The following IRS1 variants were observed in gnomAD, a reference collection of about 807,000 sequenced individuals.
IRS1 encodes the protein insulin receptor substrate 1.
In IRS1, 34 loss-of-function variants were observed where a neutral mutation model predicts 65.6. The ratio of observed to expected loss-of-function variants is 0.52; its 90% CI spans 0.39 to 0.69. The LOEUF is 0.69. IRS1 is among the 30% of genes least tolerant of loss of function. The pLI, the probability that IRS1 is intolerant of heterozygous loss-of-function variation, is 0.00. For missense variants in IRS1, 1,641 were observed against 1,720.2 expected (o/e 0.95, Z 0.81); for synonymous variants, 699 against 683.5 (o/e 1.02, Z -0.35).
Position 226,796,470 on chromosome 2 carries a change from G to A in IRS1, c.2269C>T (p.Gln757Ter), listed in dbSNP as rs765351999. The A allele has an allele frequency of 6.2e-7, 1 of 1,613,804 alleles. No homozygotes were observed. Among genetic ancestry groups the A allele is most frequent in the Non-Finnish European group, 8.5e-7 (1 of 1,180,020 alleles). Residue 757 changes from glutamine (Q) to a stop codon, truncating the protein, a stop_gained, in exon 1 of 2, where the codon CAG becomes TAG. Transcript: ENST00000305123. LOFTEE classifies it high-confidence loss of function. ...TAGTAGGAGAGGACTGGCTTGTGCT[G>A]GGGGTCCTCAGGGCCGTAGTAGCAG... ...SDCYYGPEDP[Q>*]HKPVLSYYSL...
At chr2:226,785,597 C>T (rs1284594729) in intron 1 of IRS1, among the ~76,000 whole-genome samples, 5 of 152,052 alleles carry the variant, frequency 3.3e-5, no homozygotes, top group Admixed American at 1.3e-4. Flanking sequence ...AGTGAGACTC[C>T]GTCTCAAAAA....
chr2:226,777,288 A>AATCTGT (rs1939293467), intron 1 of IRS1, among the ~76,000 whole-genome samples: 1 of 152,216 alleles, frequency 6.6e-6, no homozygotes, highest in South Asian at 2.1e-4. Context: ...TAATTCTGTA[A>AATCTGT]ATCTGTAACT....
intron 1 of IRS1, among the ~76,000 whole-genome samples, chr2:226,759,015 A>G (rs1938861393): frequency 6.6e-6 from 1 of 152,168 alleles, no homozygotes; most frequent in African/African-American, 2.4e-5. Context: ...ATTCACTTCT[A>G]TTTGTGTCCA....
intron 1 of IRS1, among the ~76,000 whole-genome samples, chr2:226,787,589 A>G (rs1939510189): frequency 6.6e-6 from 1 of 152,174 alleles, no homozygotes; most frequent in Non-Finnish European, 1.5e-5. Context: ...GAGCTTACTG[A>G]GTAAAAGAAG....
intron 1 of IRS1, among the ~76,000 whole-genome samples, chr2:226,748,372 C>T (rs1938599213): frequency 7.3e-6 from 1 of 136,580 alleles, no homozygotes; most frequent in Non-Finnish European, 1.5e-5. Context: ...GAGGTTGCAG[C>T]AAGCTGAGAT....
At chr2:226,759,526 C>T (rs931360929) in intron 1 of IRS1, among the ~76,000 whole-genome samples, 7 of 152,190 alleles carry the variant, frequency 4.6e-5, no homozygotes, top group African/African-American at 1.7e-4. Flanking sequence ...GTAGCACTTC[C>T]TATCATATAG....
chr2:226,773,590 G>T (rs1020951813), intron 1 of IRS1, among the ~76,000 whole-genome samples: 27 of 151,728 alleles, frequency 1.8e-4, no homozygotes, highest in African/African-American at 6.5e-4. Context: ...AAAAGATTGT[G>T]TAGAATGGGA....
chr2:226,797,708 C>T lies in IRS1; in HGVS notation c.1031G>A (p.Gly344Asp), dbSNP rs752842091. The change falls in exon 1 of 2, where the codon GGC (glycine) becomes GAC (aspartate). Residue 344 changes from glycine (G) to aspartate (D), a missense_variant. Physicochemically the swap from Gly to Asp is moderately conservative, Grantham distance 94. Coordinates refer to ENST00000305123, the MANE Select transcript of IRS1 (RefSeq NM_005544.3). This position sits in a 1 kb window ranked among gnomAD's most constrained non-coding sequence, Gnocchi z 8.1. ...GTMSRPASVD[G>D]SPVSPSTNRT... ...GTTGGTGCTGGGACTCACAGGGCTG[C>T]CGTCCACCGAGGCTGGGCGGGACAT... 2.5e-6 allele frequency: 4 copies of T among 1,597,618 alleles called. No individual in the cohort carries two copies. In the East Asian group the frequency reaches 6.7e-5, roughly 27 times the overall value.
chr2:226,760,465 C>T (rs1268290882), intron 1 of IRS1, among the ~76,000 whole-genome samples: 2 of 152,120 alleles, frequency 1.3e-5, no homozygotes, highest in African/African-American at 2.4e-5. Context: ...CTAATAGTGT[C>T]CAGTCCACAC....
At position 226,731,955 on chromosome 2, in the gene IRS1, T is replaced by A. The variant is rs1281104907; in HGVS notation, c.*4317A>T. 6.6e-6 allele frequency: 1 copy of A among 152,194 alleles called. No homozygotes were observed. The highest frequency in any genetic ancestry group is 1.5e-5 in the Non-Finnish European group (1 of 68,024). The allele number at this position is 152,194 out of a possible 1,614,324, so 9.4% of individuals were successfully genotyped here. A position where few individuals can be genotyped will look rare whatever the true frequency, so the allele number is the denominator to read the frequency against. On this transcript the variant is annotated 3_prime_UTR_variant, in exon 2 of 2. Transcript: ENST00000305123. ...CAGCATAAGCAAAGAGAGATTTAAATGCCAAGTGAATGGCAGAAGTCTAAA... is the reference window on the plus strand; with the variant it reads ...CAGCATAAGCAAAGAGAGATTTAAAAGCCAAGTGAATGGCAGAAGTCTAAA...
At chr2:226,769,150 A>T (rs1453140468) in intron 1 of IRS1, among the ~76,000 whole-genome samples, 2 of 152,200 alleles carry the variant, frequency 1.3e-5, no homozygotes, top group African/African-American at 4.8e-5. Flanking sequence ...TCCCAACTCA[A>T]TACTCCCACT....
At position 226,799,387 on chromosome 2, in the gene IRS1, T is replaced by TGCTGCTGCC. The variant is rs1553535511; in HGVS notation, c.-650_-649insGGCAGCAGC. On this transcript the variant is annotated 5_prime_UTR_variant, in exon 1 of 2. Coordinates refer to ENST00000305123, the MANE Select transcript of IRS1 (RefSeq NM_005544.3). This position sits in a 1 kb window ranked among gnomAD's most constrained non-coding sequence, Gnocchi z 6.1. The stretch of plus-strand genomic sequence containing the variant: ...CTGTTGCTGCTGCTGCTGCTGCTGC[T>TGCTGCTGCC]GCTGCCGCCGCCCGCGGGCGCGTCC... 982 of 1,262,452 alleles carry TGCTGCTGCC rather than the reference T, an allele frequency of 7.8e-4. 3 individuals are homozygous for TGCTGCTGCC. The highest frequency in any genetic ancestry group is 1.4e-3 in the South Asian group (108 of 76,986). The allele number at this position is 1,262,452 out of a possible 1,614,324, so 78.2% of individuals were successfully genotyped here. A position where few individuals can be genotyped will look rare whatever the true frequency, so the allele number is the denominator to read the frequency against.
Position 226,737,857 on chromosome 2 carries a change from C to T in IRS1, c.*22-1607G>A, listed in dbSNP as rs138572894. On this transcript the variant is annotated intron_variant, in intron 1 of 1. Coordinates refer to ENST00000305123, the MANE Select transcript of IRS1 (RefSeq NM_005544.3). ...TGCAGTCCCAGAAGATAACACAAGG[C>T]TTGCCACGTGGTAGTACTTAATAAA... 3.4e-3 allele frequency among the ~76,000 whole-genome samples: 522 copies of T among 152,240 alleles called. 8 individuals are homozygous for T. The highest frequency in any genetic ancestry group is 0.027 in the Admixed American group (413 of 15,296).
At chr2:226,744,806 C>A (rs778168418) in intron 1 of IRS1, among the ~76,000 whole-genome samples, 5 of 152,218 alleles carry the variant, frequency 3.3e-5, no homozygotes, top group African/African-American at 1.2e-4. Context: ...ATCTAAGGAA[C>A]GTCTCCAGGA....
At position 226,781,075 on chromosome 2, in the gene IRS1, G is replaced by A. The variant is rs919157228; in HGVS notation, c.*21+13914C>T. On this transcript the variant is annotated intron_variant, in intron 1 of 1. Coordinates refer to ENST00000305123, the MANE Select transcript of IRS1 (RefSeq NM_005544.3). Reference sequence around the variant, plus strand: ...AAACCAGTAACTGAAGCAAGGACAGGTGGTGTTACTGCTTCCATCATCCTT... The same window carrying A: ...AAACCAGTAACTGAAGCAAGGACAGATGGTGTTACTGCTTCCATCATCCTT... Among the ~76,000 whole-genome samples, 10 of 152,182 alleles carry A rather than the reference G, an allele frequency of 6.6e-5. No homozygotes were observed. In the East Asian group the frequency reaches 1.9e-3, roughly 29 times the overall value.
chr2:226,789,335 C>G (rs1329269585), intron 1 of IRS1, among the ~76,000 whole-genome samples: 1 of 152,148 alleles, frequency 6.6e-6, no homozygotes, highest in African/African-American at 2.4e-5. Flanking sequence ...ATATTGGCAA[C>G]TCAACAGTCA....
At chr2:226,776,755 A>C (rs1939281819) in intron 1 of IRS1, among the ~76,000 whole-genome samples, 1 of 152,144 alleles carries the variant, frequency 6.6e-6, no homozygotes, top group African/African-American at 2.4e-5. Context: ...AAAAATACAA[A>C]AATTAGCCTG....
intron 1 of IRS1, among the ~76,000 whole-genome samples, chr2:226,743,848 T>C (rs1170966539): frequency 1.3e-5 from 2 of 152,216 alleles, no homozygotes; most frequent in African/African-American, 2.4e-5. Flanking sequence ...ATTTAGTGTA[T>C]GGATGGTGAA....
chr2:226,778,359 C>T (rs138612062), intron 1 of IRS1, among the ~76,000 whole-genome samples: 2 of 152,130 alleles, frequency 1.3e-5, no homozygotes, highest in African/African-American at 2.4e-5. Context: ...AGCTGTTATC[C>T]ACTAGAAAAA....
Sources: allele counts gnomAD v4.1 joint callset (sites outside exome capture counted in the v4.1 genomes callset), GRCh38; gene constraint gnomAD v4.1.1; non-coding constraint Gnocchi (gnomAD v3.1); transcripts MANE v1.5; gene names NCBI Gene and HGNC (gene_info 2026-07-23, HGNC 2026-07-21).